ADGRL3: variants seen among roughly 807,000 people sequenced by gnomAD.
ADGRL3 encodes adhesion G protein-coupled receptor L3.
A neutral mutation model predicts 153.5 loss-of-function variants in ADGRL3; 62 were observed. That is an observed-to-expected ratio of 0.40 (90% confidence interval 0.33 to 0.50). The LOEUF (loss-of-function observed/expected upper bound fraction) is 0.50. Ranked by LOEUF, ADGRL3 falls within the 20% of genes least tolerant of loss-of-function variation. The pLI is 0.47. For synonymous variants in ADGRL3, 710 were observed against 672.5 expected (o/e 1.06, Z -0.86); for missense variants, 1,641 against 1,859.4 (o/e 0.88, Z 2.16).
At chr4:61,585,304 A>G (rs2149333366) in intron 4 of ADGRL3, among the ~76,000 whole-genome samples, 1 of 152,144 alleles carries the variant, frequency 6.6e-6, no homozygotes. Context: ...CTACTTTTTC[A>G]AAAATATCAT....
At chr4:61,676,024 C>CGT in intron 5 of ADGRL3, among the ~76,000 whole-genome samples, 1 of 151,888 alleles carries the variant, frequency 6.6e-6, no homozygotes, top group Non-Finnish European at 1.5e-5. Context: ...TAATGGCTCC[C>CGT]ATAAATAAGA....
At chr4:61,694,176 A>AT (rs2095592928) in intron 6 of ADGRL3, among the ~76,000 whole-genome samples, 1 of 94,702 alleles carries the variant, frequency 1.1e-5, no homozygotes, top group African/African-American at 3.7e-5. Context: ...AAATTTTGTC[A>AT]TTATTTTTTT....
chr4:61,239,357 T>C (rs1438143286), intron 1 of ADGRL3, among the ~76,000 whole-genome samples: 1 of 152,160 alleles, frequency 6.6e-6, no homozygotes, highest in Non-Finnish European at 1.5e-5. Context: ...GATGAAACTT[T>C]AGCCATTAGT....
intron 8 of ADGRL3, among the ~76,000 whole-genome samples, chr4:61,761,439 T>C (rs139660417): frequency 5.5e-4 from 84 of 152,296 alleles, no homozygotes; most frequent in Non-Finnish European, 8.7e-4. Context: ...GTTTTATGAA[T>C]AAATCAGATT....
rs556145495 is a variant in ADGRL3, at chr4:61,200,420, GC to G, written c.-1579del. 2.1e-3 allele frequency among the ~76,000 whole-genome samples: 324 copies of G among 151,610 alleles called. 4 individuals carry two copies. Among genetic ancestry groups the G allele is most frequent in the East Asian group, 0.015 (73 of 5,006 alleles). On this transcript the variant is annotated 5_prime_UTR_variant, in exon 1 of 27. Coordinates refer to ENST00000683033, the MANE Select transcript of ADGRL3 (RefSeq NM_001387552.1). The stretch of plus-strand genomic sequence containing the variant: ...CGCTCTGACCCGCTGTCTGCGCGTC[GC>G]CCCCCTCGCCTGCTGGCCCGGCACC...
At chr4:61,802,785 T>TAA (rs11412108) in intron 8 of ADGRL3, among the ~76,000 whole-genome samples, 326 of 151,958 alleles carry the variant, frequency 2.1e-3, no homozygotes, top group African/African-American at 7.5e-3. Context: ...TATGACACAA[T>TAA]AAAAAAAACT....
In ADGRL3 at chr4:61,790,161, A is replaced by T. The variant is rs180816774; in HGVS notation, c.1400-23648A>T. Among the ~76,000 whole-genome samples, 889 of 152,190 alleles carry T rather than the reference A, an allele frequency of 5.8e-3. 13 individuals are homozygous for T. Among genetic ancestry groups the T allele is most frequent in the African/African-American group, 0.02 (843 of 41,516 alleles). ...ATCATTATGTTGGGGTTTCTTTTTTACCTGCCTCATGTATTTCATATTTAA... is the reference window on the plus strand; with the variant it reads ...ATCATTATGTTGGGGTTTCTTTTTTTCCTGCCTCATGTATTTCATATTTAA... On this transcript the variant is annotated intron_variant, in intron 8 of 26. Transcript: ENST00000683033.
intron 8 of ADGRL3, among the ~76,000 whole-genome samples, chr4:61,786,788 C>T (rs899690437): frequency 3.3e-5 from 5 of 152,090 alleles, no homozygotes; most frequent in African/African-American, 1.2e-4. Context: ...TATGCTTTCA[C>T]ATATCTAGGC....
At position 61,366,442 on chromosome 4, in the gene ADGRL3, A is replaced by G. The variant is rs553324408; in HGVS notation, c.-239-16682A>G. 2.9e-4 allele frequency among the ~76,000 whole-genome samples: 44 copies of G among 152,264 alleles called. No individual in the cohort carries two copies. The South Asian group carries it at 7.0e-3, about 24-fold the overall frequency. On this transcript the variant is annotated intron_variant, in intron 1 of 26. Transcript: ENST00000683033. ...GGAAATAACAAGATGTTGCATTGTA[A>G]TTTTTTACTACTGTATAATAAAATA...
Position 61,420,401 on chromosome 4 carries a change from C to CTTTTTTT in ADGRL3, c.-174+37229_-174+37235dup, listed in dbSNP as rs36093010. The CTTTTTTT allele has an allele frequency of 1.8e-3, 151 of 82,554 alleles. 4 individuals carry two copies. The highest frequency in any genetic ancestry group is 2.8e-3 in the African/African-American group (58 of 20,356). The allele number at this position is 82,554 out of a possible 1,614,324, so 5.1% of individuals were successfully genotyped here. The stretch of plus-strand genomic sequence containing the variant: ...ATAAAATATTTGCCCCAAAGGAAAG[C>CTTTTTTT]TTTTTTTTTTTTTTTTTTTTTTTGA... On this transcript the variant is annotated intron_variant, in intron 2 of 26. Coordinates refer to ENST00000683033, the MANE Select transcript of ADGRL3 (RefSeq NM_001387552.1).
intron 1 of ADGRL3, among the ~76,000 whole-genome samples, chr4:61,334,969 A>C (rs1222289454): frequency 6.6e-6 from 1 of 152,142 alleles, no homozygotes; most frequent in African/African-American, 2.4e-5. Flanking sequence ...TTTCTTCCTC[A>C]TTAAACAAAA....
At chr4:61,744,430 CT>C (rs1292850714) in intron 8 of ADGRL3, among the ~76,000 whole-genome samples, 2 of 152,192 alleles carry the variant, frequency 1.3e-5, no homozygotes, top group African/African-American at 4.8e-5. Context: ...TCCCTGACCC[CT>C]GACCCCCGAG....
chr4:62,026,313 A>C (rs1053778651), intron 21 of ADGRL3, among the ~76,000 whole-genome samples: 7 of 152,248 alleles, frequency 4.6e-5, no homozygotes, highest in Non-Finnish European at 7.4e-5. Flanking sequence ...GTCAAAGGAC[A>C]GCAGCAAATT....
intron 2 of ADGRL3, among the ~76,000 whole-genome samples, chr4:61,482,194 A>C (rs1420868807): frequency 6.6e-6 from 1 of 152,224 alleles, no homozygotes; most frequent in Non-Finnish European, 1.5e-5. Context: ...AACTCTCAAA[A>C]AATTGGCACA....
At chr4:61,744,399 C>T (rs774707257) in intron 8 of ADGRL3, among the ~76,000 whole-genome samples, 10 of 152,296 alleles carry the variant, frequency 6.6e-5, no homozygotes, top group African/African-American at 2.2e-4. Flanking sequence ...TGAGAACGGG[C>T]AGACTGCCTC....
chr4:61,617,786 C>T (rs905110444), intron 5 of ADGRL3, among the ~76,000 whole-genome samples: 1 of 152,168 alleles, frequency 6.6e-6, no homozygotes, highest in African/African-American at 2.4e-5. Flanking sequence ...ATATTTTCTT[C>T]CCTAAGCAAA....
At chr4:61,280,741 A>G (rs1455597451) in intron 1 of ADGRL3, among the ~76,000 whole-genome samples, 1 of 152,182 alleles carries the variant, frequency 6.6e-6, no homozygotes, top group Non-Finnish European at 1.5e-5. Flanking sequence ...TCATGTAAGG[A>G]TGCATATTTT....
At chr4:61,746,505 C>G (rs572848927) in intron 8 of ADGRL3, among the ~76,000 whole-genome samples, 41 of 151,306 alleles carry the variant, frequency 2.7e-4, no homozygotes, top group Non-Finnish European at 4.1e-4. Flanking sequence ...ATAACAAACT[C>G]TCTCTGAGAC....
At chr4:62,021,086 T>TAA (rs943308083) in intron 21 of ADGRL3, among the ~76,000 whole-genome samples, 1 of 151,484 alleles carries the variant, frequency 6.6e-6, no homozygotes, top group African/African-American at 2.4e-5. Flanking sequence ...CAAAATACTT[T>TAA]AAAAAAAAAC....
Sources: gnomAD v4.1 joint callset for allele counts (sites outside exome capture counted in the v4.1 genomes callset) on GRCh38, gnomAD v4.1.1 for gene constraint, MANE v1.5 for transcripts, NCBI Gene and HGNC (gene_info 2026-07-23, HGNC 2026-07-21) for gene names.